Variants in MCTP1 observed in about 807,000 individuals in gnomAD.
MCTP1 encodes multiple C2 and transmembrane domain containing 1.
Under a neutral mutation model 120.6 loss-of-function variants are expected in MCTP1, and 69 were observed. The observed-to-expected ratio is 0.57, with a 90% CI of 0.47 to 0.70. The LOEUF is 0.70. Among genes scored for constraint, MCTP1 ranks in the 30% least tolerant of loss-of-function variants. The pLI is 0.00. For missense variants in MCTP1, 1,203 were observed against 1,248.8 expected, an observed-to-expected ratio of 0.96 and a Z score of 0.55; for synonymous variants, 529 against 493.1, an observed-to-expected ratio of 1.07 and a Z score of -0.96.
chr5:95,084,587 T>C (rs1755288425), intron 1 of MCTP1, among the ~76,000 whole-genome samples: 1 of 151,916 alleles, frequency 6.6e-6, no homozygotes, highest in Non-Finnish European at 1.5e-5. Flanking sequence ...ATTGGCTTTA[T>C]AAAATACAGC....
chr5:94,909,853 A>G (rs1174370947), intron 9 of MCTP1, among the ~76,000 whole-genome samples: 2 of 152,102 alleles, frequency 1.3e-5, no homozygotes, highest in Non-Finnish European at 2.9e-5. Context: ...AAAAACAGAC[A>G]ATGAATTTCT....
At chr5:95,067,495 T>C (rs931093991) in intron 1 of MCTP1, among the ~76,000 whole-genome samples, 1 of 151,994 alleles carries the variant, frequency 6.6e-6, no homozygotes, top group African/African-American at 2.4e-5. Flanking sequence ...ATTGTCTCTA[T>C]AGAAAATCCA....
chr5:95,194,170 T>A (rs73140100), intron 1 of MCTP1, among the ~76,000 whole-genome samples: 1 of 151,798 alleles, frequency 6.6e-6, no homozygotes, highest in Non-Finnish European at 1.5e-5. Context: ...GAGCTATGAT[T>A]GTGCCTGGGC....
intron 1 of MCTP1, among the ~76,000 whole-genome samples, chr5:95,030,371 C>T (rs1473803910): frequency 6.6e-6 from 1 of 152,184 alleles, no homozygotes; most frequent in African/African-American, 2.4e-5. Context: ...ATATACTGGA[C>T]TGAAGCCTGA....
At chr5:95,157,340 G>A (rs565497803) in intron 1 of MCTP1, among the ~76,000 whole-genome samples, 106 of 152,292 alleles carry the variant, frequency 7.0e-4, no homozygotes, top group Non-Finnish European at 1.1e-3. Flanking sequence ...AAAGCTAAGA[G>A]ACAGGATAAA....
chr5:94,731,365 A>G (rs1045103878), intron 19 of MCTP1, among the ~76,000 whole-genome samples: 3 of 152,184 alleles, frequency 2.0e-5, no homozygotes, highest in African/African-American at 7.2e-5. Context: ...TAACAAATTT[A>G]AACAATTAGT....
At chr5:94,942,536 T>C (rs1817976950) in intron 3 of MCTP1, 109 bp from the exon 4 acceptor site, 1 of 630,598 alleles carries the variant, frequency 1.6e-6, no homozygotes, top group East Asian at 3.0e-5. Context: ...AAAAGCATAC[T>C]AATATTTGTA....
Position 95,179,028 on chromosome 5 carries a change from A to G in MCTP1, c.720+104828T>C, listed in dbSNP as rs1748325747. ...TCAAGGATACACTTAGAGAAATGCA[A>G]AATGCATTGGAAAGTCTCAGTAATA... On this transcript the variant is annotated intron_variant, in intron 1 of 22. Coordinates refer to ENST00000515393, the MANE Select transcript of MCTP1 (RefSeq NM_024717.7). Among the ~76,000 whole-genome samples, 3 of 152,198 alleles carry G rather than the reference A, an allele frequency of 2.0e-5. No individual in the cohort carries two copies. In the South Asian group the frequency reaches 6.2e-4, roughly 31 times the overall value.
chr5:94,825,016 G>T (rs1281647003), intron 17 of MCTP1, among the ~76,000 whole-genome samples: 3 of 151,994 alleles, frequency 2.0e-5, no homozygotes, highest in Non-Finnish European at 4.4e-5. Flanking sequence ...TGTTTTGAAG[G>T]GTTTTTCATG....
chr5:94,750,057 G>T (rs1767925866), intron 19 of MCTP1, among the ~76,000 whole-genome samples: 1 of 152,240 alleles, frequency 6.6e-6, no homozygotes, highest in Non-Finnish European at 1.5e-5. Context: ...GAGAAAGAGA[G>T]AGAAGAACTT....
chr5:94,816,883 T>G (rs1784566841), intron 17 of MCTP1, among the ~76,000 whole-genome samples: 1 of 152,202 alleles, frequency 6.6e-6, no homozygotes, highest in Non-Finnish European at 1.5e-5. Context: ...ATTTTATTAA[T>G]GTACTCTAAA....
Position 95,163,911 on chromosome 5 carries a change from T to G in MCTP1, c.720+119945A>C, listed in dbSNP as rs191280278. On this transcript the variant is annotated intron_variant, in intron 1 of 22. Coordinates refer to ENST00000515393, the MANE Select transcript of MCTP1 (RefSeq NM_024717.7). ...CATTAATTATCTCATGCTTTTATTT[T>G]AGAAAGGTATTTCTTTTACAGCTCT... is the stretch of plus-strand genomic sequence containing the variant. Among the ~76,000 whole-genome samples, 123 of 152,330 alleles carry G rather than the reference T, an allele frequency of 8.1e-4. 1 individual carries two copies. The highest frequency in any genetic ancestry group is 2.9e-3 in the African/African-American group (120 of 41,588).
chr5:94,761,218 G>T (rs530306110), intron 19 of MCTP1, among the ~76,000 whole-genome samples: 121 of 152,296 alleles, frequency 7.9e-4, no homozygotes, highest in African/African-American at 2.9e-3. Context: ...AACACAGACT[G>T]TTGGCATTTG....
chr5:94,946,717 T>A (rs1175276808), intron 3 of MCTP1, among the ~76,000 whole-genome samples: 2 of 152,136 alleles, frequency 1.3e-5, no homozygotes, highest in African/African-American at 4.8e-5. Context: ...CAAGTTACCC[T>A]TGCCAAAGGT....
intron 1 of MCTP1, among the ~76,000 whole-genome samples, chr5:95,268,850 G>T (rs1177868806): frequency 6.6e-6 from 1 of 152,208 alleles, no homozygotes; most frequent in Non-Finnish European, 1.5e-5. Flanking sequence ...GCACTGAGAG[G>T]CAAAATACCT....
chr5:94,916,940 T>C (rs1363664892), intron 8 of MCTP1, among the ~76,000 whole-genome samples: 2 of 152,244 alleles, frequency 1.3e-5, no homozygotes, highest in African/African-American at 4.8e-5. Context: ...TAACTATTAA[T>C]ACAATTGTAG....
At chr5:94,826,501 C>A in intron 17 of MCTP1, 1 of 702,610 alleles carries the variant, frequency 1.4e-6, no homozygotes, top group Non-Finnish European at 2.6e-6. Context: ...AATTTCAGTT[C>A]TGTACATCTG....
chr5:95,018,609 C>T (rs1438321570), intron 1 of MCTP1, among the ~76,000 whole-genome samples: 1 of 151,932 alleles, frequency 6.6e-6, no homozygotes, highest in Non-Finnish European at 1.5e-5. Flanking sequence ...CCTGAACTCA[C>T]TGTCTCTCCT....
At chr5:94,879,607 C>T (rs1290515028) in intron 12 of MCTP1, among the ~76,000 whole-genome samples, 9 of 151,976 alleles carry the variant, frequency 5.9e-5, no homozygotes, top group Non-Finnish European at 1.2e-4. Context: ...GAAATGAAAA[C>T]ATTAAAAATA....
Sources: allele counts gnomAD v4.1 joint callset (sites outside exome capture counted in the v4.1 genomes callset), GRCh38; gene constraint gnomAD v4.1.1; transcripts MANE v1.5; gene names NCBI Gene and HGNC (gene_info 2026-07-23, HGNC 2026-07-21).